Variants in COL11A1 observed in about 807,000 individuals in gnomAD.
The protein encoded by COL11A1 is collagen alpha-1(XI) chain.
Under a neutral mutation model 265.2 loss-of-function variants are expected in COL11A1, and 74 were observed. The ratio of observed to expected loss-of-function variants is 0.28; its 90% CI spans 0.23 to 0.34. The LOEUF is 0.34. Among genes scored for constraint, COL11A1 ranks in the 10% least tolerant of loss-of-function variants. The probability of loss-of-function intolerance (pLI) is 1.00; values close to 1 mark genes in which losing one functional copy is unlikely to be tolerated. For missense variants in COL11A1, 2,165 were observed against 2,263.6 expected (o/e 0.96, Z 0.88); for synonymous variants, 816 against 727.6 (o/e 1.12, Z -1.96).
chr1:102,971,599 A>C (rs535681323), intron 36 of COL11A1, among the ~76,000 whole-genome samples: 1 of 152,148 alleles, frequency 6.6e-6, no homozygotes, highest in South Asian at 2.1e-4. Context: ...AGTGAGTATG[A>C]AAAACAGGCT....
chr1:102,887,756 C>G lies in COL11A1; in HGVS notation c.4609-700G>C, dbSNP rs374591974. ...AATATAATTAGTTAAGATAACATCGCTAGAGTGGGCCCTAATCCAATATAA... is the reference window on the plus strand; with the variant it reads ...AATATAATTAGTTAAGATAACATCGGTAGAGTGGGCCCTAATCCAATATAA... On this transcript the variant is annotated intron_variant, in intron 62 of 66. Coordinates refer to ENST00000370096, the MANE Select transcript of COL11A1 (RefSeq NM_001854.4). Among the ~76,000 whole-genome samples the G allele has an allele frequency of 4.6e-5, 7 of 152,156 alleles. No individual in the cohort carries two copies. The East Asian group carries it at 5.8e-4, about 13-fold the overall frequency.
At chr1:103,061,421 T>C (rs1423993525) in intron 4 of COL11A1, among the ~76,000 whole-genome samples, 2 of 152,080 alleles carry the variant, frequency 1.3e-5, no homozygotes, top group Admixed American at 1.3e-4. Flanking sequence ...TATATACTCC[T>C]ATAACCAATA....
intron 49 of COL11A1, among the ~76,000 whole-genome samples, chr1:102,915,887 G>C (rs1024688776): frequency 6.6e-6 from 1 of 152,264 alleles, no homozygotes; most frequent in Non-Finnish European, 1.5e-5. Context: ...ACAGAAATAT[G>C]CAGGCTTGAT....
At chr1:102,902,376 A>C (rs542307649) in intron 54 of COL11A1, among the ~76,000 whole-genome samples, 2 of 152,308 alleles carry the variant, frequency 1.3e-5, no homozygotes, top group Admixed American at 6.5e-5. Flanking sequence ...TGCCAAATTT[A>C]GTATACAGTT....
intron 41 of COL11A1, among the ~76,000 whole-genome samples, chr1:102,949,219 T>A (rs1284117807): frequency 6.6e-6 from 1 of 152,066 alleles, no homozygotes; most frequent in Non-Finnish European, 1.5e-5. Flanking sequence ...GAAACACTGA[T>A]TTATTGAGGA....
At chr1:102,946,978 A>G (rs1424864639) in intron 41 of COL11A1, 22 bp from the exon 42 acceptor site, 2 of 1,578,906 alleles carry the variant, frequency 1.3e-6, no homozygotes, top group Admixed American at 3.5e-5. Context: ...GAAAAGAAGT[A>G]TTTTGTTATT....
rs1558065520 is a variant in COL11A1, at chr1:103,108,471, C to A, written c.-293G>T. ...CAGAATGAAGGCAGATGAGGGGCTT[C>A]CACCAACAAGCTGAGAGTACTGTGT... On this transcript the variant is annotated 5_prime_UTR_variant, in exon 1 of 67. An upstream open reading frame in the 5' UTR gains an earlier in-frame stop. Coordinates refer to ENST00000370096, the MANE Select transcript of COL11A1 (RefSeq NM_001854.4). The A allele has an allele frequency of 3.4e-6, 2 of 594,980 alleles. No individual in the cohort carries two copies. The highest frequency in any genetic ancestry group is 6.0e-5 in the Admixed American group (2 of 33,530). The allele number at this position is 594,980 out of a possible 1,614,324, so 36.9% of individuals were successfully genotyped here. A position where few individuals can be genotyped will look rare whatever the true frequency, so the allele number is the denominator to read the frequency against.
At chr1:103,059,018 G>C (rs1452433573) in intron 4 of COL11A1, among the ~76,000 whole-genome samples, 1 of 150,202 alleles carries the variant, frequency 6.7e-6, no homozygotes, top group Non-Finnish European at 1.5e-5. Flanking sequence ...CAGTCATGAT[G>C]TGAGCACATG....
intron 66 of COL11A1, among the ~76,000 whole-genome samples, chr1:102,878,922 C>CA (rs982759215): frequency 7.2e-5 from 11 of 152,024 alleles, no homozygotes; most frequent in Non-Finnish European, 1.3e-4. Flanking sequence ...GGTCAAATGT[C>CA]AAAAAAATTT....
chr1:103,054,924 A>G (rs1437898734), intron 4 of COL11A1, among the ~76,000 whole-genome samples: 3 of 152,220 alleles, frequency 2.0e-5, no homozygotes, highest in Non-Finnish European at 4.4e-5. Flanking sequence ...AAAGAAAAAA[A>G]GCAAACACTC....
intron 5 of COL11A1, among the ~76,000 whole-genome samples, chr1:103,029,700 C>A (rs908645930): frequency 6.6e-6 from 1 of 151,906 alleles, no homozygotes; most frequent in Non-Finnish European, 1.5e-5. Context: ...TCTAGTAAAA[C>A]CAAGTTTGAC....
chr1:102,912,042 T>G (rs930264337), intron 54 of COL11A1, 117 bp downstream of exon 54: 1 of 853,202 alleles, frequency 1.2e-6, no homozygotes, highest in African/African-American at 1.7e-5. Context: ...GTTTTTAGGA[T>G]TTATGATATT....
At chr1:103,025,990 A>G in intron 6 of COL11A1, 1 of 1,587,014 alleles carries the variant, frequency 6.3e-7, no homozygotes, top group South Asian at 1.1e-5. Flanking sequence ...GAAAACATAA[A>G]TAAACGAGGA....
chr1:103,101,935 G>A (rs544839168), intron 1 of COL11A1, among the ~76,000 whole-genome samples: 1 of 151,966 alleles, frequency 6.6e-6, no homozygotes, highest in Non-Finnish European at 1.5e-5. Flanking sequence ...TGCGCAGCAA[G>A]CAAAGAGTTT....
intron 3 of COL11A1, among the ~76,000 whole-genome samples, chr1:103,077,919 A>G (rs1004726188): frequency 6.6e-6 from 1 of 152,142 alleles, no homozygotes; most frequent in African/African-American, 2.4e-5. Flanking sequence ...TTAGTTTGTT[A>G]ACATTACTTT....
chr1:103,021,043 T>A (rs1489803829), intron 9 of COL11A1, among the ~76,000 whole-genome samples: 1 of 149,418 alleles, frequency 6.7e-6, no homozygotes, highest in Non-Finnish European at 1.5e-5. Flanking sequence ...TTTATGTCCT[T>A]ACAATTTCTG....
chr1:102,965,532 T>C lies in COL11A1; in HGVS notation c.2871A>G (p.Gln957=). 6.2e-7 allele frequency: 1 copy of C among 1,613,550 alleles called. No individual in the cohort carries two copies. ...HPGQRGETGF[Q]GKTGPPGPGG... is the part of the protein sequence containing the mutation. ...CTGGCCCAGGAGGGCCGGTCTTGCC[T>C]TGAAATCCCTAAGGAGGCAAAGTAT... Residue 957 remains glutamine, a synonymous_variant, in exon 38 of 67, where the codon CAA becomes CAG. Transcript: ENST00000370096.
At chr1:102,938,171 C>T (rs1321534202) in intron 44 of COL11A1, among the ~76,000 whole-genome samples, 4 of 151,796 alleles carry the variant, frequency 2.6e-5, no homozygotes, top group Non-Finnish European at 5.9e-5. Context: ...ATCTTCTTTC[C>T]GTTATGTGTT....
At chr1:103,078,990 T>C (rs1050731222) in intron 2 of COL11A1, 119 bp from the exon 3 acceptor site, 4 of 702,884 alleles carry the variant, frequency 5.7e-6, no homozygotes, top group African/African-American at 5.4e-5. Context: ...TAACTTTGAA[T>C]AGTAAACAGA....
Sources: gnomAD v4.1 joint callset for allele counts (sites outside exome capture counted in the v4.1 genomes callset) on GRCh38, gnomAD v4.1.1 for gene constraint, MANE v1.5 for transcripts, NCBI Gene and HGNC (gene_info 2026-07-23, HGNC 2026-07-21) for gene names.